The following TKTL1 variants were observed in gnomAD, a reference collection of about 807,000 sequenced individuals.
TKTL1 encodes transketolase like 1.
TKTL1 carries 1 observed loss-of-function variant against 39.3 expected under a neutral mutation model. That is an observed-to-expected ratio of 0.03 (90% confidence interval 0.01 to 0.12). The LOEUF (loss-of-function observed/expected upper bound fraction) is 0.12, where lower values mean the gene tolerates loss of function less well. Among genes scored for constraint, TKTL1 ranks in the 10% least tolerant of loss-of-function variants. The pLI is 1.00. For synonymous variants in TKTL1, 262 were observed against 193.8 expected (o/e 1.35, Z -2.92); for missense variants, 575 against 509.6 (o/e 1.13, Z -1.24).
At chrX:154,325,508 T>C (rs2067487350) in intron 10 of TKTL1, 86 bp downstream of exon 10, 2 of 817,476 alleles carry the variant, frequency 2.4e-6, no homozygotes, top group East Asian at 3.2e-5. Context: ...ATCTTCAGAG[T>C]TGAGACATCA....
intron 10 of TKTL1, chrX:154,327,132 G>C: frequency 4.3e-6 from 1 of 230,913 alleles, no homozygotes; most frequent in Non-Finnish European, 8.1e-6. Flanking sequence ...CTGGCTGTGG[G>C]TCCCAGCCCT....
At chrX:154,326,901 G>A (rs2067497087) in intron 10 of TKTL1, among the ~76,000 whole-genome samples, 1 of 112,240 alleles carries the variant, frequency 8.9e-6, no homozygotes, top group South Asian at 3.7e-4. Flanking sequence ...AAGAGGCCAG[G>A]ACATCCTTAA....
In TKTL1 at chrX:154,323,295, C is replaced by A; in HGVS notation, c.1275C>A (p.Ala425=). ...PKCTIFYPTD[A]VSTEHAVALA... is the part of the protein sequence containing the mutation. ...GCACGATCTTCTACCCAACTGATGC[C>A]GTCTCCACGGAGCATGCTGTTGCTC... The change falls in exon 9 of 13, where the codon GCC becomes GCA. Residue 425 remains alanine, a synonymous_variant. Coordinates refer to ENST00000369915, the MANE Select transcript of TKTL1 (RefSeq NM_012253.4). 1.7e-6 allele frequency: 2 copies of A among 1,211,539 alleles called. No homozygotes were observed. Among genetic ancestry groups the A allele is most frequent in the Non-Finnish European group, 2.2e-6 (2 of 895,302 alleles).
At chrX:154,325,742 G>C (rs1220938125) in intron 10 of TKTL1, among the ~76,000 whole-genome samples, 1 of 112,387 alleles carries the variant, frequency 8.9e-6, no homozygotes, top group East Asian at 2.8e-4. Flanking sequence ...CCAGCGCTTT[G>C]GGAGGCCAAG....
chrX:154,303,312 A>C (rs2067289096), intron 1 of TKTL1, among the ~76,000 whole-genome samples: 1 of 101,985 alleles, frequency 9.8e-6, no homozygotes, highest in Non-Finnish European at 2.0e-5. Context: ...TCCTGGGCTT[A>C]AGCAACCCTC....
chrX:154,304,792 T>G (rs1358294129), intron 1 of TKTL1: 1 of 254,378 alleles, frequency 3.9e-6, no homozygotes. Flanking sequence ...TTTAATTAAT[T>G]AGGGCCTGGC....
intron 7 of TKTL1, among the ~76,000 whole-genome samples, chrX:154,318,558 A>T (rs2067421776): frequency 9.3e-6 from 1 of 107,139 alleles, no homozygotes; most frequent in South Asian, 4.1e-4. Flanking sequence ...AAAAAAAAAA[A>T]TTAGCCGGGC....
Position 154,323,432 on chromosome X carries a change from G to A in TKTL1, c.1317+95G>A, listed in dbSNP as rs992976340. On this transcript the variant is annotated intron_variant, in intron 9 of 12. Coordinates refer to ENST00000369915, the MANE Select transcript of TKTL1 (RefSeq NM_012253.4). ...TGGACTTTTTTTTCTCAACATAAAA[G>A]TGATATTCATTATAGAAAATTTGGT... 6.1e-6 allele frequency: 6 copies of A among 980,519 alleles called. No individual in the cohort carries two copies. The Admixed American group carries it at 1.8e-4, about 29-fold the overall frequency. 80.8% of individuals were successfully genotyped at this position (980,519 alleles called of 1,213,427 possible).
At chrX:154,308,094 A>G (rs1557167583) in intron 2 of TKTL1, among the ~76,000 whole-genome samples, 2 of 112,053 alleles carry the variant, frequency 1.8e-5, no homozygotes, top group Non-Finnish European at 1.9e-5. Flanking sequence ...GGAGGGTGAC[A>G]GGCAGGAAAC....
At chrX:154,321,276 T>G (rs1448202793) in intron 8 of TKTL1, among the ~76,000 whole-genome samples, 1 of 109,511 alleles carries the variant, frequency 9.1e-6, no homozygotes, top group East Asian at 2.9e-4. Context: ...ACGAGGAGCA[T>G]TCTGGCTGGC....
chrX:154,315,116 C>A, intron 6 of TKTL1, 57 bp from the exon 7 acceptor site: 2 of 1,100,833 alleles, frequency 1.8e-6, no homozygotes, highest in South Asian at 4.0e-5. Flanking sequence ...CTTCTGTAGT[C>A]GTTCCTTCTA....
intron 9 of TKTL1, 63 bp downstream of exon 9, chrX:154,323,400 T>G: frequency 2.7e-6 from 3 of 1,120,744 alleles, no homozygotes; most frequent in Non-Finnish European, 3.6e-6. Flanking sequence ...AGTTTCATAC[T>G]GATGATTGGA....
At chrX:154,307,239 C>T (rs957787550) in intron 2 of TKTL1, among the ~76,000 whole-genome samples, 1 of 111,380 alleles carries the variant, frequency 9.0e-6, no homozygotes, top group Non-Finnish European at 1.9e-5. Flanking sequence ...AAAATCTAGA[C>T]TGTCATATAA....
chrX:154,310,836 C>T lies in TKTL1; in HGVS notation c.351C>T (p.Ser117=), dbSNP rs2067351175. ...AYTGKYFDRA[S]YRVFCLMSDG... is the part of the protein sequence containing the mutation. ...CTAAACCTCTCTTGTCTTGCTCCAG[C>T]TACCGGGTGTTCTGCCTCATGAGTG... Residue 117 remains serine (S), a splice_region_variant and synonymous_variant, in exon 4 of 13, where the codon AGC becomes AGT. Transcript: ENST00000369915. 1 of 1,209,029 alleles carries T rather than the reference C, an allele frequency of 8.3e-7. No individual in the cohort carries two copies. Among genetic ancestry groups the T allele is most frequent in the Non-Finnish European group, 1.1e-6 (1 of 893,727 alleles).
intron 5 of TKTL1, among the ~76,000 whole-genome samples, chrX:154,312,243 A>G (rs1221695896): frequency 8.9e-6 from 1 of 112,112 alleles, no homozygotes; most frequent in Admixed American, 9.5e-5. Flanking sequence ...GCTAGGTGCA[A>G]TGGCTTGCAC....
intron 12 of TKTL1, 61 bp downstream of exon 12, chrX:154,328,019 C>T: frequency 8.5e-7 from 1 of 1,175,974 alleles, no homozygotes; most frequent in South Asian, 1.8e-5. Context: ...CTTGATTGGC[C>T]ACATGGCATG....
intron 1 of TKTL1, 179 bp from the exon 2 acceptor site, chrX:154,305,125 G>A (rs1557166942): frequency 8.6e-7 from 1 of 1,160,708 alleles, no homozygotes; most frequent in South Asian, 1.9e-5. Context: ...GGGAGGGGTG[G>A]TGAGCTTACC....
At chrX:154,314,682 G>T (rs1419525240) in intron 6 of TKTL1, among the ~76,000 whole-genome samples, 2 of 110,780 alleles carry the variant, frequency 1.8e-5, no homozygotes, top group African/African-American at 6.6e-5. Context: ...CCGCCATCAT[G>T]CCCAGCTAAT....
In TKTL1 at chrX:154,327,383, C is replaced by T. The variant is rs782367005; in HGVS notation, c.1402-208C>T. The T allele has an allele frequency of 5.4e-6, 3 of 557,515 alleles. No individual in the cohort carries two copies. The Admixed American group carries it at 6.7e-5, about 12-fold the overall frequency. The allele number at this position is 557,515 out of a possible 1,213,427, so 45.9% of individuals were successfully genotyped here. A position where few individuals can be genotyped will look rare whatever the true frequency, so the allele number is the denominator to read the frequency against. On this transcript the variant is annotated intron_variant, in intron 10 of 12. Transcript: ENST00000369915. Reference sequence around the variant, plus strand: ...GACTCCTGATGGGTATGTGGCGTATCCATGCTCCAGGACAGCTGGAGCAGT... The same window carrying T: ...GACTCCTGATGGGTATGTGGCGTATTCATGCTCCAGGACAGCTGGAGCAGT...
Sources: gnomAD v4.1 joint callset for allele counts (sites outside exome capture counted in the v4.1 genomes callset) on GRCh38, gnomAD v4.1.1 for gene constraint, MANE v1.5 for transcripts, NCBI Gene and HGNC (gene_info 2026-07-23, HGNC 2026-07-21) for gene names.